Variants in METTL15 observed in about 807,000 individuals in gnomAD.
METTL15 encodes the protein methyltransferase 15, mitochondrial 12S rRNA N4-cytidine.
A neutral mutation model predicts 38.3 loss-of-function variants in METTL15; 34 were observed. That is an observed-to-expected ratio of 0.89 (90% CI 0.68 to 1.18). The LOEUF (loss-of-function observed/expected upper bound fraction) is 1.18, where lower values mean the gene tolerates loss of function less well. Ranked by LOEUF, METTL15 falls within the 50% of genes most tolerant of loss-of-function variation. The pLI is 0.00. For synonymous variants in METTL15, 162 were observed against 170.9 expected (o/e 0.95, Z 0.41); for missense variants, 438 against 498.4 (o/e 0.88, Z 1.15).
intron 3 of METTL15, among the ~76,000 whole-genome samples, chr11:28,117,206 TATAC>T (rs1185444060): frequency 2.0e-5 from 3 of 150,202 alleles, no homozygotes; most frequent in African/African-American, 7.3e-5. Context: ...TGTGTGTATA[TATAC>T]ATACATATAT....
rs574745283 is a variant in METTL15 at position 28,112,628 on chromosome 11, C to T, written c.-17-690C>T. Among the ~76,000 whole-genome samples, 5 of 151,982 alleles carry T rather than the reference C, an allele frequency of 3.3e-5. No individual in the cohort carries two copies. In the South Asian group the frequency reaches 6.2e-4, roughly 19 times the overall value. On this transcript the variant is annotated intron_variant, in intron 2 of 6. Coordinates refer to ENST00000407364, the MANE Select transcript of METTL15 (RefSeq NM_001113528.2). ...TATCAATTATTTGTTTTTTGGGTGC[C>T]GGGGACAGATAATTAAAGGTAGACA...
intron 4 of METTL15, among the ~76,000 whole-genome samples, chr11:28,286,934 G>A (rs11030268): frequency 0.088 from 13,113 of 149,560 alleles, 1,023 homozygotes; most frequent in East Asian, 0.36. Context: ...TGTACTCTCC[G>A]CACTATATAT....
chr11:28,181,319 A>G, intron 3 of METTL15, among the ~76,000 whole-genome samples: 1 of 135,088 alleles, frequency 7.4e-6, no homozygotes, highest in Non-Finnish European at 1.5e-5. Flanking sequence ...CAGGTTTGTT[A>G]CATAGGTATA....
intron 4 of METTL15, among the ~76,000 whole-genome samples, chr11:28,222,896 C>G (rs936426740): frequency 6.6e-6 from 1 of 151,924 alleles, no homozygotes; most frequent in Non-Finnish European, 1.5e-5. Flanking sequence ...AGAGAGAAGA[C>G]AACAAAACAT....
chr11:28,366,587 C>T (rs1850188496), intron 5 of METTL15, among the ~76,000 whole-genome samples: 1 of 152,086 alleles, frequency 6.6e-6, no homozygotes, highest in Non-Finnish European at 1.5e-5. Context: ...AGGAGCCTAC[C>T]TAGTAGGGCT....
intron 6 of METTL15, among the ~76,000 whole-genome samples, chr11:28,473,628 G>A (rs1172018441): frequency 2.0e-5 from 3 of 152,164 alleles, no homozygotes; most frequent in African/African-American, 7.2e-5. Flanking sequence ...GCAATTTTTG[G>A]AGCAGCAACT....
chr11:28,171,910 G>C (rs1850872956), intron 3 of METTL15, among the ~76,000 whole-genome samples: 1 of 151,682 alleles, frequency 6.6e-6, no homozygotes, highest in Non-Finnish European at 1.5e-5. Context: ...TCCTGCTTCA[G>C]CCTCTTCAGT....
At chr11:28,179,160 G>C (rs947794259) in intron 3 of METTL15, among the ~76,000 whole-genome samples, 2 of 151,768 alleles carry the variant, frequency 1.3e-5, no homozygotes, top group Non-Finnish European at 3.0e-5. Context: ...GTTTTAATTA[G>C]AGTTTTTAGT....
chr11:28,346,966 A>G (rs1157597208), intron 3 of METTL15, among the ~76,000 whole-genome samples: 1 of 152,222 alleles, frequency 6.6e-6, no homozygotes, highest in Non-Finnish European at 1.5e-5. Flanking sequence ...CTAACCACAG[A>G]TTGACAAATG....
chr11:28,344,575 T>C, intron 3 of METTL15, among the ~76,000 whole-genome samples: 1 of 152,210 alleles, frequency 6.6e-6, no homozygotes, highest in Non-Finnish European at 1.5e-5. Flanking sequence ...TGTCAAAGGG[T>C]AAAGGCTGAG....
chr11:28,345,933 G>A (rs751334074), intron 3 of METTL15, among the ~76,000 whole-genome samples: 1 of 152,122 alleles, frequency 6.6e-6, no homozygotes, highest in South Asian at 2.1e-4. Flanking sequence ...ATAATGAAAG[G>A]TATTAAATGA....
At chr11:28,202,836 G>A (rs970672105) in intron 3 of METTL15, among the ~76,000 whole-genome samples, 1 of 152,060 alleles carries the variant, frequency 6.6e-6, no homozygotes, top group African/African-American at 2.4e-5. Context: ...AAAATATTCT[G>A]CAGATTGAAA....
intron 6 of METTL15, among the ~76,000 whole-genome samples, chr11:28,524,329 C>A (rs749181344): frequency 3.9e-5 from 6 of 152,108 alleles, no homozygotes; most frequent in Non-Finnish European, 8.8e-5. Flanking sequence ...GCCTTCCCAC[C>A]CAAGTCTATG....
intron 6 of METTL15, among the ~76,000 whole-genome samples, chr11:28,500,529 C>T (rs1035874806): frequency 6.6e-6 from 1 of 151,932 alleles, no homozygotes; most frequent in Non-Finnish European, 1.5e-5. Context: ...CAATATTTTT[C>T]CAATGTCTTT....
intron 4 of METTL15, among the ~76,000 whole-genome samples, chr11:28,233,767 T>C (rs1027539220): frequency 6.6e-6 from 1 of 152,078 alleles, no homozygotes; most frequent in Non-Finnish European, 1.5e-5. Context: ...GTTGTCTATA[T>C]TCACTGTTTT....
intron 6 of METTL15, among the ~76,000 whole-genome samples, chr11:28,507,644 A>G (rs1335252643): frequency 6.6e-6 from 1 of 151,292 alleles, no homozygotes; most frequent in Admixed American, 6.6e-5. Flanking sequence ...AATCTCCCCT[A>G]CTCTTTCTCA....
chr11:28,246,059 A>G (rs1280990400), intron 4 of METTL15, among the ~76,000 whole-genome samples: 1 of 152,198 alleles, frequency 6.6e-6, no homozygotes, highest in African/African-American at 2.4e-5. Context: ...CGAGGCGGCG[A>G]TGAAAAGAGG....
intron 6 of METTL15, among the ~76,000 whole-genome samples, chr11:28,310,960 TG>T (rs1419158095): frequency 1.4e-4 from 12 of 88,554 alleles, no homozygotes; most frequent in African/African-American, 4.3e-4. Context: ...GTGGTGGTGG[TG>T]GTGGGTGTGT....
intron 3 of METTL15, among the ~76,000 whole-genome samples, chr11:28,349,209 G>A (rs568810590): frequency 6.6e-6 from 1 of 152,112 alleles, no homozygotes; most frequent in East Asian, 1.9e-4. Flanking sequence ...TTCCAATAGT[G>A]AAAAACCTGG....
Sources: gnomAD v4.1 joint callset for allele counts (sites outside exome capture counted in the v4.1 genomes callset) on GRCh38, gnomAD v4.1.1 for gene constraint, MANE v1.5 for transcripts, NCBI Gene and HGNC (gene_info 2026-07-23, HGNC 2026-07-21) for gene names.